TXLNB: variants seen among roughly 807,000 people sequenced by gnomAD.
TXLNB encodes beta-taxilin.
In TXLNB, 37 loss-of-function variants were observed where a neutral mutation model predicts 57.4. The observed-to-expected ratio is 0.64, with a 90% confidence interval of 0.50 to 0.85. The LOEUF (loss-of-function observed/expected upper bound fraction) is 0.85, where lower values mean the gene tolerates loss of function less well. Among genes scored for constraint, TXLNB ranks in the 40% least tolerant of loss-of-function variants. The pLI is 0.00. For synonymous variants in TXLNB, 302 were observed against 309.6 expected, an observed-to-expected ratio of 0.98 and a Z score of 0.26; for missense variants, 848 against 825.6, an observed-to-expected ratio of 1.03 and a Z score of -0.33.
At chr6:139,228,397 G>T in the TXLNB span, among the ~76,000 whole-genome samples, 1 of 151,854 alleles carries the variant, frequency 6.6e-6, no homozygotes, top group Admixed American at 6.6e-5. Context: ...ATGGTGGTGG[G>T]CATCTGTAAT....
chr6:139,200,666 A>C, the TXLNB span, among the ~76,000 whole-genome samples: 1 of 152,190 alleles, frequency 6.6e-6, no homozygotes, highest in Non-Finnish European at 1.5e-5. Context: ...AGTAGGGCTC[A>C]GTGATTAGGT....
At chr6:139,180,324 G>C in the TXLNB span, 1 of 152,588 alleles carries the variant, frequency 6.6e-6, no homozygotes, top group African/African-American at 2.4e-5. Flanking sequence ...GAACTAATTT[G>C]CTAAGTCTTT....
intron 7 of TXLNB, among the ~76,000 whole-genome samples, chr6:139,254,765 A>G (rs1409386040): frequency 6.6e-6 from 1 of 152,230 alleles, no homozygotes; most frequent in African/African-American, 2.4e-5. Flanking sequence ...ACCACTGACA[A>G]GGCCAACCTC....
the TXLNB span, among the ~76,000 whole-genome samples, chr6:139,213,662 C>A: frequency 6.6e-6 from 1 of 152,088 alleles, no homozygotes; most frequent in Non-Finnish European, 1.5e-5. Flanking sequence ...ACACAAAAAA[C>A]CCTTCAAAAA....
chr6:139,203,901 G>A, the TXLNB span, among the ~76,000 whole-genome samples: 1,424 of 152,138 alleles, frequency 9.4e-3, 8 homozygotes, highest in Non-Finnish European at 0.014. Context: ...AAAATTCATC[G>A]GTGTTCTGGT....
the TXLNB span, among the ~76,000 whole-genome samples, chr6:139,224,027 CAA>C: frequency 6.8e-6 from 1 of 146,880 alleles, no homozygotes; most frequent in South Asian, 2.3e-4. Flanking sequence ...TTCACAATAG[CAA>C]AGACTTGGAA....
the TXLNB span, among the ~76,000 whole-genome samples, chr6:139,207,814 G>A: frequency 5.3e-5 from 8 of 152,150 alleles, no homozygotes; most frequent in African/African-American, 1.4e-4. Context: ...GGTGGCTCAC[G>A]CTTGTAATCC....
At chr6:139,265,074 TAC>T (rs1188944150) in intron 4 of TXLNB, among the ~76,000 whole-genome samples, 1 of 152,234 alleles carries the variant, frequency 6.6e-6, no homozygotes, top group Non-Finnish European at 1.5e-5. Context: ...TTGTGCATCT[TAC>T]AACTGGTGCT....
At chr6:139,231,688 T>G in the TXLNB span, among the ~76,000 whole-genome samples, 1 of 152,148 alleles carries the variant, frequency 6.6e-6, no homozygotes, top group Non-Finnish European at 1.5e-5. Flanking sequence ...AGATTTTAAT[T>G]GGAGACACCA....
intron 2 of TXLNB, chr6:139,287,111 T>C (rs1777195790): frequency 6.5e-6 from 1 of 152,876 alleles, no homozygotes; most frequent in Admixed American, 6.5e-5. Context: ...CTCAGAAAGA[T>C]GCTTATCTAA....
chr6:139,203,128 G>A, the TXLNB span, among the ~76,000 whole-genome samples: 1 of 152,146 alleles, frequency 6.6e-6, no homozygotes, highest in East Asian at 1.9e-4. Context: ...TTGATTCCAT[G>A]TATTGTCTAT....
chr6:139,255,851 A>G (rs1424730159), intron 6 of TXLNB, among the ~76,000 whole-genome samples: 4 of 151,342 alleles, frequency 2.6e-5, no homozygotes, highest in African/African-American at 9.7e-5. Context: ...CTGAGCTGGG[A>G]GGATTGCTGG....
At chr6:139,198,461 G>A in the TXLNB span, among the ~76,000 whole-genome samples, 1 of 152,144 alleles carries the variant, frequency 6.6e-6, no homozygotes, top group African/African-American at 2.4e-5. Flanking sequence ...CCTGGAGCCA[G>A]CATCTCAGGC....
At chr6:139,190,292 T>C in the TXLNB span, among the ~76,000 whole-genome samples, 4 of 139,464 alleles carry the variant, frequency 2.9e-5, no homozygotes, top group Non-Finnish European at 6.1e-5. Flanking sequence ...GTTGAGGGCC[T>C]GTTTCTTTCT....
At chr6:139,319,908 A>G in the TXLNB span, among the ~76,000 whole-genome samples, 1 of 152,248 alleles carries the variant, frequency 6.6e-6, no homozygotes, top group Non-Finnish European at 1.5e-5. Flanking sequence ...TTAGCAATAC[A>G]CAGCATAGTG....
At chr6:139,291,009 G>A (rs977457975) in intron 1 of TXLNB, among the ~76,000 whole-genome samples, 1 of 151,986 alleles carries the variant, frequency 6.6e-6, no homozygotes, top group African/African-American at 2.4e-5. Flanking sequence ...TTCTTTCACT[G>A]GTTTGAATTC....
At chr6:139,256,373 A>G (rs1039415889) in intron 6 of TXLNB, among the ~76,000 whole-genome samples, 1 of 151,988 alleles carries the variant, frequency 6.6e-6, no homozygotes, top group African/African-American at 2.4e-5. Context: ...TTTGTCGCCC[A>G]GGCTGGAATG....
chr6:139,289,397 G>C (rs1375613324), intron 1 of TXLNB, among the ~76,000 whole-genome samples: 1 of 152,152 alleles, frequency 6.6e-6, no homozygotes, highest in Non-Finnish European at 1.5e-5. Context: ...GCCCTTAAAA[G>C]GGACAAGAAA....
At chr6:139,220,252 T>C in the TXLNB span, among the ~76,000 whole-genome samples, 4 of 152,226 alleles carry the variant, frequency 2.6e-5, no homozygotes, top group African/African-American at 7.2e-5. Context: ...ATACTGGACT[T>C]CTCAGCCTCT....
Sources: allele counts gnomAD v4.1 joint callset (sites outside exome capture counted in the v4.1 genomes callset), GRCh38; gene constraint gnomAD v4.1.1; transcripts MANE v1.5; gene names NCBI Gene and HGNC (gene_info 2026-07-23, HGNC 2026-07-21).